The following CGREF1 variants were observed in gnomAD, a reference collection of about 807,000 sequenced individuals.
The protein encoded by CGREF1 is cell growth regulator with EF hand domain protein 1.
A neutral mutation model predicts 17.4 loss-of-function variants in CGREF1; 16 were observed. The observed-to-expected ratio is 0.92, with a 90% CI of 0.62 to 1.40. The LOEUF (loss-of-function observed/expected upper bound fraction) is 1.40. Ranked by LOEUF, CGREF1 falls within the 40% of genes most tolerant of loss-of-function variation. The pLI is 0.00. For missense variants in CGREF1, 296 were observed against 376.4 expected, an observed-to-expected ratio of 0.79 and a Z score of 1.77; for synonymous variants, 142 against 154.6, an observed-to-expected ratio of 0.92 and a Z score of 0.61.
At chr2:27,117,044 C>A (rs1461766756) in intron 1 of CGREF1, among the ~76,000 whole-genome samples, 1 of 152,002 alleles carries the variant, frequency 6.6e-6, no homozygotes, top group Non-Finnish European at 1.5e-5. Flanking sequence ...TCCCAAGTAG[C>A]TGGGATTACA....
chr2:27,099,630 C>T (rs940048853), downstream of CGREF1: 12 of 1,614,164 alleles, frequency 7.4e-6, no homozygotes, highest in Non-Finnish European at 9.3e-6. Flanking sequence ...CTGCCCCAAA[C>T]ACCTGGCTGA....
Position 27,101,343 on chromosome 2 carries a change from T to C in CGREF1, c.888A>G (p.Thr296=). ...GEEAKELPGE[T]LESKNTQNDF... The stretch of plus-strand genomic sequence containing the variant: ...CATTTTGGGTGTTCTTAGACTCCAG[T>C]GTTTCCCCTGGAAGTTCCTTGGCCT... Residue 296 remains threonine, a synonymous_variant, in exon 6 of 6, where the codon ACA becomes ACG. Transcript: ENST00000402394. 3 of 1,610,502 alleles carry C rather than the reference T, an allele frequency of 1.9e-6. No homozygotes were observed. Among genetic ancestry groups the C allele is most frequent in the Non-Finnish European group, 2.5e-6 (3 of 1,178,010 alleles).
chr2:27,102,366 C>T lies in CGREF1; in HGVS notation c.211G>A (p.Glu71Lys), dbSNP rs1478520975. ...TEVQLEHLSR[E>K]QVLLYLFALH... ...CATCAGCCCAGCCCCTCACCCTGCT[C>T]CCGGCTCAGATGCTCCAGTTGCACT... The change falls in exon 4 of 6, where the codon GAG becomes AAG. Residue 71 changes from glutamate (E) to lysine (K), a missense_variant. Transcript: ENST00000402394. The T allele has an allele frequency of 6.2e-7, 1 of 1,614,146 alleles. No homozygotes were observed. The highest frequency in any genetic ancestry group is 8.5e-7 in the Non-Finnish European group (1 of 1,179,986).
intron 2 of CGREF1, chr2:27,102,888 T>G (rs1044682583): frequency 2.6e-5 from 25 of 977,184 alleles, no homozygotes; most frequent in Admixed American, 1.2e-4. Context: ...AAGTTAGAGA[T>G]CCAAGAAAAC....
chr2:27,107,967 T>G lies in CGREF1; in HGVS notation c.-11-3590A>C, dbSNP rs138410346. 3.2e-3 allele frequency among the ~76,000 whole-genome samples: 432 copies of G among 133,066 alleles called. 5 individuals are homozygous for G. Among genetic ancestry groups the G allele is most frequent in the African/African-American group, 1.0e-2 (362 of 36,374 alleles). 87.3% of individuals were successfully genotyped at this position (133,066 alleles called of 152,430 possible). ...AAAAAAAAAGAAAGAAAGAAAGAAA[T>G]AAGAGCATAAAAATGACCAAGTAGA... On this transcript the variant is annotated intron_variant, in intron 1 of 5. Coordinates refer to ENST00000402394, the MANE Select transcript of CGREF1 (RefSeq NM_006569.6).
intron 1 of CGREF1, among the ~76,000 whole-genome samples, chr2:27,109,810 G>T (rs1572899869): frequency 2.0e-5 from 3 of 147,364 alleles, no homozygotes; most frequent in Non-Finnish European, 4.5e-5. Context: ...GCTTGAACCT[G>T]GGAGGCGGAG....
downstream of CGREF1, chr2:27,099,394 C>G (rs746413451): frequency 6.2e-7 from 1 of 1,612,586 alleles, no homozygotes; most frequent in Non-Finnish European, 8.5e-7. Context: ...TGGGCTAACA[C>G]CCAGCTGAGT....
intron 1 of CGREF1, among the ~76,000 whole-genome samples, chr2:27,114,149 C>A (rs1467179063): frequency 2.0e-5 from 3 of 152,094 alleles, no homozygotes; most frequent in Non-Finnish European, 2.9e-5. Context: ...TGCACGCCAC[C>A]ACACCCAGCT....
At chr2:27,100,346 C>T (rs547856736), downstream of CGREF1, 308 of 1,045,736 alleles carry the variant, frequency 2.9e-4, 1 homozygote, top group African/African-American at 4.5e-3. Flanking sequence ...TTGATGGGGT[C>T]TTCATTGTCC....
At chr2:27,109,578 T>A (rs1172318494) in intron 1 of CGREF1, among the ~76,000 whole-genome samples, 23 of 152,058 alleles carry the variant, frequency 1.5e-4, no homozygotes, top group Non-Finnish European at 1.5e-5. Flanking sequence ...GACATATTGA[T>A]GAACTTTGTT....
chr2:27,102,717 C>T, intron 2 of CGREF1, 126 bp from the exon 3 acceptor site: 1 of 1,117,810 alleles, frequency 8.9e-7, no homozygotes. Context: ...CCCAAAATTC[C>T]AAAAACCCTG....
At chr2:27,109,833 C>T (rs1362679068) in intron 1 of CGREF1, among the ~76,000 whole-genome samples, 1 of 124,240 alleles carries the variant, frequency 8.0e-6, no homozygotes, top group African/African-American at 3.1e-5. Context: ...TGTGGTGAGC[C>T]GAGATCACAC....
intron 1 of CGREF1, chr2:27,104,605 C>T: frequency 1.9e-6 from 3 of 1,550,622 alleles, no homozygotes; most frequent in Non-Finnish European, 2.6e-6. Context: ...AAAGGCAGGC[C>T]TGCTGTGGCG....
At chr2:27,103,140 T>C in intron 2 of CGREF1, 1 of 984,140 alleles carries the variant, frequency 1.0e-6, no homozygotes, top group Non-Finnish European at 1.2e-6. Flanking sequence ...CTCCCACTTC[T>C]GGACTGGGTT....
intron 1 of CGREF1, among the ~76,000 whole-genome samples, chr2:27,115,277 C>G (rs1671531395): frequency 1.3e-5 from 2 of 152,172 alleles, no homozygotes; most frequent in African/African-American, 2.4e-5. Context: ...CCGTGAATGA[C>G]TATCACTCTC....
chr2:27,117,439 T>A (rs1671627310), intron 1 of CGREF1, among the ~76,000 whole-genome samples: 2 of 152,370 alleles, frequency 1.3e-5, no homozygotes, highest in South Asian at 4.1e-4. Flanking sequence ...ATAACTATAA[T>A]GTGCATGAAC....
intron 1 of CGREF1, among the ~76,000 whole-genome samples, chr2:27,117,830 C>T (rs995345755): frequency 6.6e-6 from 1 of 151,942 alleles, no homozygotes; most frequent in Non-Finnish European, 1.5e-5. Flanking sequence ...ATTCTCCTGC[C>T]TCAGCCTCCC....
downstream of CGREF1, chr2:27,099,621 T>G: frequency 6.2e-7 from 1 of 1,614,084 alleles, no homozygotes; most frequent in Non-Finnish European, 8.5e-7. Context: ...GACCTGTCCC[T>G]GCCCCAAACA....
chr2:27,116,912 TCTC>T (rs1671601981), intron 1 of CGREF1, among the ~76,000 whole-genome samples: 1 of 106,876 alleles, frequency 9.4e-6, no homozygotes, highest in Non-Finnish European at 2.0e-5. Flanking sequence ...TCTCTCTCTC[TCTC>T]TCTCTCTCTT....
Sources: allele counts gnomAD v4.1 joint callset (sites outside exome capture counted in the v4.1 genomes callset), GRCh38; gene constraint gnomAD v4.1.1; transcripts MANE v1.5; gene names NCBI Gene and HGNC (gene_info 2026-07-23, HGNC 2026-07-21).